TDRD3: variants seen among roughly 807,000 people sequenced by gnomAD.
TDRD3 encodes the protein tudor domain containing 3.
TDRD3 carries 45 observed loss-of-function variants against 86.7 expected under a neutral mutation model. The ratio of observed to expected loss-of-function variants is 0.52; its 90% CI spans 0.41 to 0.67. TDRD3 has a LOEUF of 0.67. TDRD3 is among the 30% of genes least tolerant of loss of function. The pLI is 0.00. For missense variants in TDRD3, 814 were observed against 889.0 expected, an observed-to-expected ratio of 0.92 and a Z score of 1.07; for synonymous variants, 298 against 301.7, an observed-to-expected ratio of 0.99 and a Z score of 0.13.
intron 1 of TDRD3, among the ~76,000 whole-genome samples, chr13:60,401,434 A>G (rs920144520): frequency 2.6e-5 from 4 of 152,182 alleles, no homozygotes; most frequent in Admixed American, 2.0e-4. Context: ...CTTGAGCATC[A>G]GTAGACTTTG....
intron 12 of TDRD3, among the ~76,000 whole-genome samples, chr13:60,538,982 G>T (rs1209702981): frequency 6.6e-6 from 1 of 152,086 alleles, no homozygotes; most frequent in Non-Finnish European, 1.5e-5. Context: ...CATAGTATCT[G>T]CTTCTTGGTA....
Position 60,528,790 on chromosome 13 carries a change from C to T in TDRD3, c.1565C>T (p.Pro522Leu). The change falls in exon 11 of 14, where the codon CCT (proline) becomes CTT (leucine). Residue 522 changes from proline to leucine, a missense_variant. Coordinates refer to ENST00000377881, the MANE Select transcript of TDRD3 (RefSeq NM_001146070.2). The stretch of plus-strand genomic sequence containing the variant: ...GCAGAGGCAAAAGAAAATCCACTTC[C>T]TCAAGGATCTGTAGATTATAATAAT... ...SFAEAKENPL[P>L]QGSVDYNNQK... The T allele has an allele frequency of 6.2e-7, 1 of 1,613,882 alleles. No individual in the cohort carries two copies. The highest frequency in any genetic ancestry group is 8.5e-7 in the Non-Finnish European group (1 of 1,179,916).
intron 8 of TDRD3, among the ~76,000 whole-genome samples, chr13:60,497,362 G>T (rs533036392): frequency 6.6e-6 from 1 of 152,278 alleles, no homozygotes; most frequent in East Asian, 1.9e-4. Flanking sequence ...CTCCCCCTGT[G>T]CTCTCAGGTG....
At chr13:60,400,115 A>C (rs2137787683) in intron 1 of TDRD3, among the ~76,000 whole-genome samples, 1 of 152,336 alleles carries the variant, frequency 6.6e-6, no homozygotes, top group Admixed American at 6.5e-5. Context: ...GAGTAGTGAT[A>C]ATGTTTAAAT....
At chr13:60,526,987 AC>A (rs1234411903) in intron 10 of TDRD3, among the ~76,000 whole-genome samples, 1 of 152,026 alleles carries the variant, frequency 6.6e-6, no homozygotes, top group Non-Finnish European at 1.5e-5. Context: ...GGTGTGCACC[AC>A]CACACCCAGC....
chr13:60,459,960 C>G (rs1342801606), intron 3 of TDRD3, among the ~76,000 whole-genome samples: 3 of 151,970 alleles, frequency 2.0e-5, no homozygotes, highest in African/African-American at 7.3e-5. Context: ...AAATTTGATT[C>G]ACTTAAAAAA....
intron 6 of TDRD3, 101 bp downstream of exon 6, chr13:60,483,947 A>G: frequency 9.0e-7 from 1 of 1,113,878 alleles, no homozygotes; most frequent in Non-Finnish European, 1.3e-6. Context: ...TTAAGAGGTT[A>G]TGGAGTTATT....
Position 60,494,481 on chromosome 13 carries a change from A to T in TDRD3, c.764A>T (p.Asn255Ile). 2 of 1,613,856 alleles carry T rather than the reference A, an allele frequency of 1.2e-6. No individual in the cohort carries two copies. Among genetic ancestry groups the T allele is most frequent in the Non-Finnish European group, 1.7e-6 (2 of 1,179,846 alleles). The change falls in exon 8 of 14, where the codon AAT becomes ATT. Residue 255 changes from asparagine to isoleucine, a missense_variant. Transcript: ENST00000377881. ...GGGGGARSNL[N>I]MNAAGNRNRE... ...GGTGGTGGTGCTAGAAGTAATCTCAATATGAATGCTGCTGGTAACCGAAAT... is the reference window on the plus strand; with the variant it reads ...GGTGGTGGTGCTAGAAGTAATCTCATTATGAATGCTGCTGGTAACCGAAAT...
intron 5 of TDRD3, 115 bp downstream of exon 5, chr13:60,467,494 GAAT>G (rs1394499030): frequency 8.8e-7 from 1 of 1,133,250 alleles, no homozygotes. Context: ...GAATAGAATG[GAAT>G]ATGATTATCT....
At chr13:60,553,028 T>A (rs1002266838) in intron 12 of TDRD3, among the ~76,000 whole-genome samples, 1 of 152,224 alleles carries the variant, frequency 6.6e-6, no homozygotes, top group Non-Finnish European at 1.5e-5. Context: ...AGAGACATTT[T>A]CCCCATTGTC....
At chr13:60,528,046 A>C (rs963131471) in intron 10 of TDRD3, among the ~76,000 whole-genome samples, 1 of 152,134 alleles carries the variant, frequency 6.6e-6, no homozygotes, top group Non-Finnish European at 1.5e-5. Context: ...TTGCAGTTCT[A>C]TTTCATTAAT....
intron 13 of TDRD3, among the ~76,000 whole-genome samples, chr13:60,572,085 A>G (rs1454338661): frequency 6.6e-6 from 1 of 152,170 alleles, no homozygotes; most frequent in Non-Finnish European, 1.5e-5. Flanking sequence ...GGTTTCTGAC[A>G]TGAGTGGAGT....
At chr13:60,430,818 A>G (rs1252038764) in intron 1 of TDRD3, among the ~76,000 whole-genome samples, 1 of 152,130 alleles carries the variant, frequency 6.6e-6, no homozygotes, top group African/African-American at 2.4e-5. Context: ...TAATATTTTG[A>G]ATATGAGTCA....
At chr13:60,423,728 A>C (rs1954721713) in intron 1 of TDRD3, among the ~76,000 whole-genome samples, 1 of 152,188 alleles carries the variant, frequency 6.6e-6, no homozygotes, top group South Asian at 2.1e-4. Flanking sequence ...AATTAAGTGT[A>C]TTTAATTGTA....
intron 5 of TDRD3, among the ~76,000 whole-genome samples, chr13:60,473,792 A>G (rs1483368997): frequency 3.9e-5 from 6 of 152,188 alleles, no homozygotes; most frequent in Admixed American, 1.3e-4. Context: ...GGACAAGGCC[A>G]CTAGAGGGCT....
chr13:60,491,997 TATA>T (rs1341658742), intron 7 of TDRD3, among the ~76,000 whole-genome samples: 3 of 152,166 alleles, frequency 2.0e-5, no homozygotes, highest in Non-Finnish European at 4.4e-5. Flanking sequence ...GCCTAATTCA[TATA>T]ATATGAGCAA....
At position 60,397,397 on chromosome 13, in the gene TDRD3, G is replaced by C; in HGVS notation, c.33G>C (p.Gln11His). 4.0e-6 allele frequency: 6 copies of C among 1,501,340 alleles called. No individual in the cohort carries two copies. The highest frequency in any genetic ancestry group is 5.3e-6 in the Non-Finnish European group (6 of 1,126,870). 93.0% of individuals were successfully genotyped at this position (1,501,340 alleles called of 1,614,324 possible). The stretch of plus-strand genomic sequence containing the variant: ...AGGTGGCCGGCGCGGCGTTGTCCCA[G>C]GCGGGTTGGTAAGTGGCGAGTCCCG... MAQVAGAALS[Q>H]AGWYLSDEGI... Residue 11 changes from glutamine to histidine, a missense_variant, in exon 1 of 14, where the codon CAG (glutamine) becomes CAC (histidine). Gln to His is a conservative substitution (Grantham distance 24). Transcript: ENST00000377881.
At chr13:60,474,410 G>A (rs1956141367) in intron 5 of TDRD3, among the ~76,000 whole-genome samples, 1 of 152,062 alleles carries the variant, frequency 6.6e-6, no homozygotes, top group Non-Finnish European at 1.5e-5. Context: ...CTGTCTCTTT[G>A]TGTTGTGTCT....
chr13:60,560,632 T>G (rs1256709647), intron 12 of TDRD3, among the ~76,000 whole-genome samples: 1 of 152,120 alleles, frequency 6.6e-6, no homozygotes, highest in Admixed American at 6.5e-5. Flanking sequence ...AGCTTTTCAT[T>G]TATGTTAAAG....
Sources: gnomAD v4.1 joint callset for allele counts (sites outside exome capture counted in the v4.1 genomes callset) on GRCh38, gnomAD v4.1.1 for gene constraint, MANE v1.5 for transcripts, NCBI Gene and HGNC (gene_info 2026-07-23, HGNC 2026-07-21) for gene names.